VAV2: variants seen among roughly 807,000 people sequenced by gnomAD.
The protein encoded by VAV2 is vav guanine nucleotide exchange factor 2.
A neutral mutation model predicts 132.5 loss-of-function variants in VAV2; 67 were observed. The observed-to-expected ratio is 0.51, with a 90% CI of 0.42 to 0.62. The LOEUF is 0.62. Among genes scored for constraint, VAV2 ranks in the 20% least tolerant of loss-of-function variants. The pLI, the probability that VAV2 is intolerant of heterozygous loss-of-function variation, is 0.00. For missense variants in VAV2, 938 were observed against 1,153.6 expected (o/e 0.81, Z 2.71); for synonymous variants, 492 against 443.5 (o/e 1.11, Z -1.37).
chr9:133,963,090 G>T (rs959220323), intron 1 of VAV2, among the ~76,000 whole-genome samples: 3 of 152,150 alleles, frequency 2.0e-5, no homozygotes, highest in African/African-American at 4.8e-5. Context: ...CTTAATTAAA[G>T]GTGGTCATTA....
At chr9:133,844,171 C>T (rs1247336882) in intron 3 of VAV2, among the ~76,000 whole-genome samples, 2 of 152,172 alleles carry the variant, frequency 1.3e-5, no homozygotes, top group African/African-American at 4.8e-5. Context: ...AGGGGCCTGG[C>T]GTGGCTGCTG....
In VAV2 at chr9:133,815,770, T is replaced by TTGTG. The variant is rs570351071; in HGVS notation, c.450-3558_450-3555dup. Among the ~76,000 whole-genome samples the TTGTG allele has an allele frequency of 7.7e-3, 1,179 of 152,270 alleles. 26 individuals are homozygous for TTGTG. Among genetic ancestry groups the TTGTG allele is most frequent in the Admixed American group, 0.044 (665 of 15,286 alleles). ...AAAAGCTGCTATATGAGCATTCAAG[T>TTGTG]TGTGTGTGTGCGTGTGTATGCACGC... On this transcript the variant is annotated intron_variant, in intron 4 of 29. Transcript: ENST00000371850.
At chr9:133,920,443 A>G (rs1038096712) in intron 2 of VAV2, among the ~76,000 whole-genome samples, 1 of 152,194 alleles carries the variant, frequency 6.6e-6, no homozygotes, top group African/African-American at 2.4e-5. Flanking sequence ...CCAGAACCAC[A>G]CCACTGGATC....
Position 133,961,327 on chromosome 9 carries a change from G to A in VAV2, c.205-22108C>T, listed in dbSNP as rs575527987. Among the ~76,000 whole-genome samples, 1 of 152,192 alleles carries A rather than the reference G, an allele frequency of 6.6e-6. No individual in the cohort carries two copies. The highest frequency in any genetic ancestry group is 1.5e-5 in the Non-Finnish European group (1 of 68,048). On this transcript the variant is annotated intron_variant, in intron 1 of 29. Transcript: ENST00000371850. This position sits in a 1 kb window ranked among gnomAD's most constrained non-coding sequence, Gnocchi z 4.1. ...GCCGGCCAATGAGGGCTGAAGCTTC[G>A]GCCTGTGGCCAAGACACCATGGGCA... is the stretch of plus-strand genomic sequence containing the variant.
chr9:133,774,407 AG>A (rs1371571979), intron 25 of VAV2, among the ~76,000 whole-genome samples: 6 of 152,228 alleles, frequency 3.9e-5, no homozygotes, highest in Non-Finnish European at 8.8e-5. Flanking sequence ...CCAGCCCATC[AG>A]GGTCGGTCTC....
intron 1 of VAV2, among the ~76,000 whole-genome samples, chr9:133,976,040 A>G (rs1842495336): frequency 1.7e-5 from 2 of 119,370 alleles, no homozygotes; most frequent in South Asian, 5.9e-4. Context: ...TACTAAAAAA[A>G]AAAAGAAAAT....
chr9:133,926,558 C>T lies in VAV2; in HGVS notation c.321+12545G>A, dbSNP rs1471603835. ...AGTCTCCTACTCCAAGCAGACCTCC[C>T]TTCTAAACCTGAGCAGGCCAGGCCA... On this transcript the variant is annotated intron_variant, in intron 2 of 29. Transcript: ENST00000371850. The surrounding 1 kb of genome is among the most constrained non-coding windows in gnomAD (Gnocchi z 4.3). Among the ~76,000 whole-genome samples, 1 of 152,156 alleles carries T rather than the reference C, an allele frequency of 6.6e-6. No individual in the cohort carries two copies.
chr9:133,871,911 A>C (rs1838070940), intron 2 of VAV2, among the ~76,000 whole-genome samples: 1 of 152,016 alleles, frequency 6.6e-6, no homozygotes, highest in African/African-American at 2.4e-5. Context: ...CAGGTGGTTC[A>C]GGGACACAGC....
chr9:133,917,328 G>C lies in VAV2; in HGVS notation c.321+21775C>G, dbSNP rs148829234. On this transcript the variant is annotated intron_variant, in intron 2 of 29. Transcript: ENST00000371850. ...CCCAATGGATTACCTACGCCGACAG[G>C]GACAAACTCTCAAGTCAAAGGAATG... Among the ~76,000 whole-genome samples, 42 of 152,192 alleles carry C rather than the reference G, an allele frequency of 2.8e-4. No homozygotes were observed. In the East Asian group the frequency reaches 6.9e-3, roughly 25 times the overall value.
chr9:133,839,552 G>A (rs1836634083), intron 3 of VAV2, among the ~76,000 whole-genome samples: 1 of 151,192 alleles, frequency 6.6e-6, no homozygotes, highest in Non-Finnish European at 1.5e-5. Context: ...CCGGGTTCAA[G>A]TGATTCCCCT....
intron 3 of VAV2, among the ~76,000 whole-genome samples, chr9:133,861,052 C>T (rs1453095989): frequency 6.6e-6 from 1 of 152,206 alleles, no homozygotes; most frequent in Non-Finnish European, 1.5e-5. Context: ...GCACAGCCCC[C>T]GGTTCTGATG....
At chr9:133,872,437 C>T in intron 2 of VAV2, among the ~76,000 whole-genome samples, 1 of 152,228 alleles carries the variant, frequency 6.6e-6, no homozygotes, top group East Asian at 1.9e-4. Flanking sequence ...CGCGCACCGT[C>T]TTTTCCCCAC....
In VAV2 at chr9:133,896,139, G is replaced by A. The variant is rs1227418864; in HGVS notation, c.322-34707C>T. ...TTAGGGAGTGGTGATGACTCTTAAC[G>A]AGCATAACACTAAAATCTTTATTAA... On this transcript the variant is annotated intron_variant, in intron 2 of 29. Coordinates refer to ENST00000371850, the MANE Select transcript of VAV2 (RefSeq NM_001134398.2). Among the ~76,000 whole-genome samples, 5 of 151,798 alleles carry A rather than the reference G, an allele frequency of 3.3e-5. 2 individuals carry two copies. Among genetic ancestry groups the A allele is most frequent in the Non-Finnish European group, 7.4e-5 (5 of 67,998 alleles).
intron 3 of VAV2, among the ~76,000 whole-genome samples, chr9:133,849,066 G>A (rs776203778): frequency 1.6e-4 from 25 of 152,228 alleles, no homozygotes; most frequent in Non-Finnish European, 2.5e-4. Flanking sequence ...AATGCTGACA[G>A]TTGCTGAAGA....
At chr9:133,905,867 T>C (rs1222803120) in intron 2 of VAV2, among the ~76,000 whole-genome samples, 1 of 111,564 alleles carries the variant, frequency 9.0e-6, no homozygotes, top group East Asian at 3.5e-4. Flanking sequence ...CGAAACCCCA[T>C]CTCTACAAAA....
chr9:133,896,972 T>TA (rs1839231576), intron 2 of VAV2, among the ~76,000 whole-genome samples: 1 of 151,980 alleles, frequency 6.6e-6, no homozygotes, highest in Non-Finnish European at 1.5e-5. Flanking sequence ...CGGGCGCCTG[T>TA]AGTCCCAGCT....
chr9:133,775,221 A>G (rs1216489450), intron 24 of VAV2, among the ~76,000 whole-genome samples, 170 bp from the exon 25 acceptor site: 1 of 152,166 alleles, frequency 6.6e-6, no homozygotes, highest in Admixed American at 6.5e-5. Flanking sequence ...GCGGGGCACC[A>G]CTGTGGATGG....
intron 13 of VAV2, among the ~76,000 whole-genome samples, chr9:133,791,539 G>A (rs1444808243): frequency 2.4e-4 from 19 of 80,392 alleles, no homozygotes; most frequent in South Asian, 8.3e-4. Context: ...TCCCCTCCCC[G>A]TCCCCCTCCC....
intron 5 of VAV2, 31 bp downstream of exon 5, chr9:133,812,083 G>T (rs1835377497): frequency 6.2e-7 from 1 of 1,604,842 alleles, no homozygotes; most frequent in African/African-American, 1.3e-5. Context: ...GGAAGGGAGG[G>T]GAAGGGAGGG....
Sources: gnomAD v4.1 joint callset for allele counts (sites outside exome capture counted in the v4.1 genomes callset) on GRCh38, gnomAD v4.1.1 for gene constraint, Gnocchi (gnomAD v3.1) non-coding constraint, MANE v1.5 for transcripts, NCBI Gene and HGNC (gene_info 2026-07-23, HGNC 2026-07-21) for gene names.